Variants in G6PD observed in about 807,000 individuals in gnomAD.
G6PD encodes the protein glucose-6-phosphate 1-dehydrogenase.
G6PD carries 2 observed loss-of-function variants against 38.2 expected under a neutral mutation model. That is an observed-to-expected ratio of 0.05 (90% CI 0.02 to 0.16). G6PD has a LOEUF of 0.16. Ranked by LOEUF, G6PD falls within the 10% of genes least tolerant of loss-of-function variation. The pLI is 1.00. For missense variants in G6PD, 310 were observed against 471.6 expected (o/e 0.66, Z 3.17); for synonymous variants, 188 against 196.0 (o/e 0.96, Z 0.34).
At position 154,533,562 on chromosome X, in the gene G6PD, G is replaced by A. The variant is rs782416820; in HGVS notation, c.864+14C>T. ...GACAGGGCATGCTCCTGGGGACTGG[G>A]GTGCACCCCCTACCTTCTCATCACG... On this transcript the variant is annotated intron_variant, in intron 8 of 12. Transcript: ENST00000393562. The A allele has an allele frequency of 9.1e-6, 11 of 1,210,220 alleles. No individual in the cohort carries two copies. The highest frequency in any genetic ancestry group is 1.2e-5 in the Non-Finnish European group (11 of 894,790).
chrX:154,539,240 G>A (rs1160713334), intron 2 of G6PD, among the ~76,000 whole-genome samples: 3 of 111,527 alleles, frequency 2.7e-5, no homozygotes, highest in Admixed American at 1.9e-4. Flanking sequence ...GGTTCATAGC[G>A]GCCCCAAACT....
rs1557230597 is a variant in G6PD at position 154,535,257 on chromosome X, T to G, written c.396A>C (p.Ser132=). The G allele has an allele frequency of 5.8e-6, 7 of 1,211,928 alleles. No individual in the cohort carries two copies. The highest frequency in any genetic ancestry group is 7.8e-6 in the Non-Finnish European group (7 of 895,471). ...NSHMNALHLG[S]QANRLFYLAL... The stretch of plus-strand genomic sequence containing the variant: ...CCAGGTAGAAGAGGCGGTTGGCCTG[T>G]GACCCCAGGTGGAGGGCATTCATGT... The change falls in exon 5 of 13, where the codon TCA becomes TCC. Residue 132 remains serine (S), a synonymous_variant. Transcript: ENST00000393562.
intron 2 of G6PD, among the ~76,000 whole-genome samples, chrX:154,540,660 A>C (rs2070481812): frequency 9.8e-6 from 1 of 102,404 alleles, no homozygotes; most frequent in Non-Finnish European, 2.0e-5. Flanking sequence ...AAAAAAACAC[A>C]TGCTCTTCGA....
intron 7 of G6PD, 43 bp from the exon 8 acceptor site, chrX:154,533,712 T>A: frequency 8.3e-7 from 1 of 1,208,558 alleles, no homozygotes; most frequent in East Asian, 3.0e-5. Flanking sequence ...CTCCCCGCCC[T>A]GTTCACCTGG....
rs1557229783 is a variant in G6PD at position 154,532,817 on chromosome X, G to T, written c.1052-15C>A. On this transcript the variant is annotated splice_polypyrimidine_tract_variant and intron_variant, in intron 9 of 12. Coordinates refer to ENST00000393562, the MANE Select transcript of G6PD (RefSeq NM_001360016.2). ...GAAGGGCACCCCTACGTGGCGGAAA[G>T]GGCAGCCTCAGCACCAGCTCTCTCA... 1 of 1,207,517 alleles carries T rather than the reference G, an allele frequency of 8.3e-7. No homozygotes were observed.
At chrX:154,545,995 CA>C in intron 2 of G6PD, 40 bp downstream of exon 2, 1 of 1,206,335 alleles carries the variant, frequency 8.3e-7, no homozygotes, top group Non-Finnish European at 1.1e-6. Context: ...ATGGAGCAGG[CA>C]CTTCCTGGCT....
chrX:154,546,588 T>C (rs1358630292), intron 1 of G6PD, among the ~76,000 whole-genome samples: 2 of 110,134 alleles, frequency 1.8e-5, no homozygotes, highest in Admixed American at 1.9e-4. Flanking sequence ...CCAAGCTGGG[T>C]GACCCCGGTC....
Position 154,534,103 on chromosome X carries a change from G to A in G6PD, c.702C>T (p.Ile234=). The change falls in exon 7 of 13, where the codon ATC becomes ATT. Residue 234 remains isoleucine, a synonymous_variant. Transcript: ENST00000393562. ...IWNRDNIACV[I]LTFKEPFGTE... ...TGCCAAAGGGCTCCTTGAAGGTGAG[G>A]ATAACGCAGGCGATGTTGTCCCGGT... is the stretch of plus-strand genomic sequence containing the variant. 1 of 1,211,982 alleles carries A rather than the reference G, an allele frequency of 8.3e-7. No homozygotes were observed. The highest frequency in any genetic ancestry group is 1.1e-6 in the Non-Finnish European group (1 of 895,504).
upstream of G6PD, chrX:154,547,045 G>C (rs1557233735): frequency 1.1e-5 from 2 of 184,247 alleles, no homozygotes; most frequent in East Asian, 2.3e-4. Flanking sequence ...AGGCCGGCCC[G>C]CCGGCTGCCT....
At chrX:154,543,622 C>T (rs1273623887) in intron 2 of G6PD, among the ~76,000 whole-genome samples, 3 of 111,908 alleles carry the variant, frequency 2.7e-5, no homozygotes, top group African/African-American at 9.8e-5. Flanking sequence ...CAGTCTGCTT[C>T]TTGGACTAAG....
upstream of G6PD, chrX:154,547,566 G>A (rs782435077): frequency 7.2e-5 from 54 of 754,103 alleles, no homozygotes; most frequent in Non-Finnish European, 8.3e-5. Flanking sequence ...GGCTTCCCGA[G>A]TTCTCGGGGG....
Position 154,532,097 on chromosome X carries a change from A to T in G6PD, c.1458-7T>A, listed in dbSNP as rs1299474760. On this transcript the variant is annotated splice_region_variant and splice_polypyrimidine_tract_variant and intron_variant, in intron 12 of 12. Transcript: ENST00000393562. ...TGCCTCCGTGGGGCCTCGGCTGGAGAGTGACGGGTGGAGGAGAGGCATGAG... is the reference window on the plus strand; with the variant it reads ...TGCCTCCGTGGGGCCTCGGCTGGAGTGTGACGGGTGGAGGAGAGGCATGAG... 2.3e-5 allele frequency: 28 copies of T among 1,204,587 alleles called. No individual in the cohort carries two copies. Among genetic ancestry groups the T allele is most frequent in the Non-Finnish European group, 2.9e-5 (26 of 892,903 alleles).
chrX:154,535,406 GAC>G (rs1278663117), intron 4 of G6PD, 21 bp from the exon 5 acceptor site: 2 of 1,158,612 alleles, frequency 1.7e-6, no homozygotes, highest in Non-Finnish European at 2.3e-6. Flanking sequence ...CGGACAGACA[GAC>G]ACACAGACAG....
At chrX:154,546,888 G>C, upstream of G6PD, 1 of 1,020,556 alleles carries the variant, frequency 9.8e-7, no homozygotes, top group Non-Finnish European at 1.3e-6. Flanking sequence ...GCGGGGGCGG[G>C]GGCGGGCGCC....
chrX:154,538,622 A>G (rs1557231237), intron 2 of G6PD, among the ~76,000 whole-genome samples: 1 of 112,025 alleles, frequency 8.9e-6, no homozygotes, highest in Non-Finnish European at 1.9e-5. Context: ...AACTTGATAA[A>G]GGGCATCTAT....
At chrX:154,542,911 T>C (rs961880020) in intron 2 of G6PD, among the ~76,000 whole-genome samples, 1 of 112,117 alleles carries the variant, frequency 8.9e-6, no homozygotes, top group Non-Finnish European at 1.9e-5. Context: ...ATAGGTCCCA[T>C]GAGGAGGGCA....
intron 7 of G6PD, 63 bp downstream of exon 7, chrX:154,533,972 C>T (rs1569556217): frequency 8.3e-7 from 1 of 1,207,872 alleles, no homozygotes; most frequent in Non-Finnish European, 1.1e-6. Flanking sequence ...GAAGAGTAGC[C>T]CTGCAGGGTG....
In G6PD at chrX:154,532,370, G is replaced by A. The variant is rs782181868; in HGVS notation, c.1364+16C>T. 1.6e-5 allele frequency: 19 copies of A among 1,209,673 alleles called. No homozygotes were observed. Among genetic ancestry groups the A allele is most frequent in the African/African-American group, 1.2e-4 (7 of 57,570 alleles). ...CATAGCCCACAGGTATGCAGGGGCC[G>A]GCAGCTGGGCCTCACCTGCGCACGA... On this transcript the variant is annotated intron_variant, in intron 11 of 12. Coordinates refer to ENST00000393562, the MANE Select transcript of G6PD (RefSeq NM_001360016.2).
intron 2 of G6PD, among the ~76,000 whole-genome samples, chrX:154,539,403 T>C (rs782473981): frequency 5.3e-5 from 6 of 112,168 alleles, no homozygotes; most frequent in African/African-American, 9.7e-5. Context: ...GCAGGGCAGA[T>C]TGGCTGGGAA....
Sources: allele counts gnomAD v4.1 joint callset (sites outside exome capture counted in the v4.1 genomes callset), GRCh38; gene constraint gnomAD v4.1.1; transcripts MANE v1.5; gene names NCBI Gene and HGNC (gene_info 2026-07-23, HGNC 2026-07-21).